Variants in EPM2A observed in about 807,000 individuals in gnomAD.
The protein encoded by EPM2A is EPM2A glucan phosphatase, laforin, also known as laforin.
A neutral mutation model predicts 26.5 loss-of-function variants in EPM2A; 21 were observed. The observed-to-expected ratio is 0.79, with a 90% confidence interval of 0.56 to 1.14. The LOEUF (loss-of-function observed/expected upper bound fraction) is 1.14, where lower values mean the gene tolerates loss of function less well. Among genes scored for constraint, EPM2A ranks in the 50% most tolerant of loss-of-function variants. The pLI is 0.00. For synonymous variants in EPM2A, 217 were observed against 177.6 expected (o/e 1.22, Z -1.76); for missense variants, 458 against 440.8 (o/e 1.04, Z -0.35).
At chr6:145,416,402 A>G (rs756536278) in intron 4 of EPM2A, among the ~76,000 whole-genome samples, 9 of 152,102 alleles carry the variant, frequency 5.9e-5, no homozygotes, top group African/African-American at 1.9e-4. Context: ...CACTATAATT[A>G]TGGCTTTTGG....
At chr6:145,555,883 T>G (rs1780722275) in intron 2 of EPM2A, among the ~76,000 whole-genome samples, 1 of 152,130 alleles carries the variant, frequency 6.6e-6, no homozygotes, top group African/African-American at 2.4e-5. Flanking sequence ...CCCTGACCTT[T>G]CTGATGTAAA....
At chr6:145,512,865 G>A (rs1373380844) in intron 2 of EPM2A, among the ~76,000 whole-genome samples, 1 of 151,972 alleles carries the variant, frequency 6.6e-6, no homozygotes, top group Non-Finnish European at 1.5e-5. Flanking sequence ...CTAGCCACAT[G>A]CAGAAGAATA....
chr6:145,723,004 G>A (rs560498561), intron 1 of EPM2A, among the ~76,000 whole-genome samples: 46 of 152,174 alleles, frequency 3.0e-4, no homozygotes, highest in Admixed American at 1.0e-3. Flanking sequence ...CCCAGTGTGC[G>A]GTACTTGATT....
chr6:145,585,547 A>G (rs9322029), intron 2 of EPM2A, among the ~76,000 whole-genome samples: 65,203 of 151,886 alleles, frequency 0.43, 14,548 homozygotes, highest in African/African-American at 0.52. Context: ...TCATTTCTAG[A>G]TGTCTATCTA....
intron 2 of EPM2A, among the ~76,000 whole-genome samples, chr6:145,672,083 CTG>C (rs1273661188): frequency 3.3e-5 from 5 of 152,198 alleles, no homozygotes; most frequent in Non-Finnish European, 7.3e-5. Context: ...TTGGTCCTAA[CTG>C]TAGCCTGAAT....
chr6:145,643,695 T>A (rs778885291), intron 2 of EPM2A, among the ~76,000 whole-genome samples: 6 of 152,200 alleles, frequency 3.9e-5, no homozygotes, highest in African/African-American at 1.4e-4. Context: ...AACAAGACAG[T>A]TGGAAAATGA....
intron 1 of EPM2A, among the ~76,000 whole-genome samples, chr6:145,696,971 A>T (rs1050015087): frequency 6.6e-6 from 1 of 152,150 alleles, no homozygotes; most frequent in Non-Finnish European, 1.5e-5. Flanking sequence ...TCAAAAAATG[A>T]GCCACACAGC....
At chr6:145,432,250 AT>A (rs1778931832) in intron 4 of EPM2A, among the ~76,000 whole-genome samples, 1 of 152,190 alleles carries the variant, frequency 6.6e-6, no homozygotes, top group African/African-American at 2.4e-5. Flanking sequence ...TCTTAATGGC[AT>A]CTAGAATGAA....
chr6:145,690,145 A>G (rs971635701), intron 1 of EPM2A, among the ~76,000 whole-genome samples: 6 of 152,176 alleles, frequency 3.9e-5, no homozygotes, highest in South Asian at 4.1e-4. Flanking sequence ...AACCTGGGTA[A>G]TAAGGTGGGA....
At chr6:145,659,172 C>G (rs1234201372) in intron 2 of EPM2A, among the ~76,000 whole-genome samples, 1 of 148,304 alleles carries the variant, frequency 6.7e-6, no homozygotes, top group Non-Finnish European at 1.5e-5. Context: ...CACTAACTTT[C>G]TGTGTGATAT....
At chr6:145,618,754 A>C (rs539894514) in intron 2 of EPM2A, among the ~76,000 whole-genome samples, 5 of 152,356 alleles carry the variant, frequency 3.3e-5, no homozygotes, top group African/African-American at 1.2e-4. Context: ...GTATGTCTTT[A>C]TTAGCAGTGT....
chr6:145,457,161 A>C (rs1461859956), intron 4 of EPM2A, among the ~76,000 whole-genome samples: 1 of 152,164 alleles, frequency 6.6e-6, no homozygotes, highest in Non-Finnish European at 1.5e-5. Context: ...AATTTGCCCA[A>C]AGTTTTTCTG....
At chr6:145,593,955 G>GA (rs200892958) in intron 2 of EPM2A, among the ~76,000 whole-genome samples, 8 of 151,270 alleles carry the variant, frequency 5.3e-5, no homozygotes, top group East Asian at 1.9e-4. Context: ...TAAAACAATA[G>GA]AAAAAAACAA....
chr6:145,556,898 T>C (rs1780734626), intron 2 of EPM2A, among the ~76,000 whole-genome samples: 1 of 152,054 alleles, frequency 6.6e-6, no homozygotes, highest in Non-Finnish European at 1.5e-5. Context: ...TTTAAGAAAA[T>C]TTGGTGGTGT....
chr6:145,675,530 T>G (rs1779968467), intron 2 of EPM2A, among the ~76,000 whole-genome samples: 1 of 152,158 alleles, frequency 6.6e-6, no homozygotes, highest in Non-Finnish European at 1.5e-5. Flanking sequence ...TGTGCTGTAT[T>G]CAGGAGACCC....
Position 145,486,628 on chromosome 6 carries a change from T to G in EPM2A, c.555+15894A>C, listed in dbSNP as rs114758772. ...TCCCCCAAACCCGCTAACCACGGTT[T>G]TATTGTGGTTCAGTGTGCTATCTTT... On this transcript the variant is annotated intron_variant, in intron 4 of 4. Transcript: ENST00000638717. Among the ~76,000 whole-genome samples, 158 of 152,178 alleles carry G rather than the reference T, an allele frequency of 1.0e-3. 1 individual carries two copies. The highest frequency in any genetic ancestry group is 3.7e-3 in the African/African-American group (152 of 41,528).
At chr6:145,568,103 A>G (rs1780907492) in intron 2 of EPM2A, among the ~76,000 whole-genome samples, 1 of 152,184 alleles carries the variant, frequency 6.6e-6, no homozygotes, top group Non-Finnish European at 1.5e-5. Flanking sequence ...CATGTTATCT[A>G]AATGTATTAT....
chr6:145,393,705 G>C (rs902827835), intron 4 of EPM2A, among the ~76,000 whole-genome samples: 15 of 152,142 alleles, frequency 9.9e-5, no homozygotes, highest in Admixed American at 6.6e-5. Context: ...AGGGTTTTTG[G>C]TGGGGGCTGA....
intron 2 of EPM2A, among the ~76,000 whole-genome samples, chr6:145,505,810 T>C (rs552166553): frequency 7.9e-5 from 12 of 152,376 alleles, no homozygotes; most frequent in Admixed American, 7.2e-4. Flanking sequence ...AGATTAAATG[T>C]TTCTGCTATT....
Sources: gnomAD v4.1 joint callset for allele counts (sites outside exome capture counted in the v4.1 genomes callset) on GRCh38, gnomAD v4.1.1 for gene constraint, MANE v1.5 for transcripts, NCBI Gene and HGNC (gene_info 2026-07-23, HGNC 2026-07-21) for gene names.